Variants in SHROOM3 observed in about 807,000 individuals in gnomAD.
The protein encoded by SHROOM3 is shroom family member 3.
SHROOM3 carries 47 observed loss-of-function variants against 138.6 expected under a neutral mutation model. The observed-to-expected ratio is 0.34, with a 90% CI of 0.27 to 0.43. SHROOM3 has a LOEUF of 0.43. SHROOM3 is among the 20% of genes least tolerant of loss of function. The pLI, the probability that SHROOM3 is intolerant of heterozygous loss-of-function variation, is 1.00. For synonymous variants in SHROOM3, 1,062 were observed against 1,063.3 expected (o/e 1.00, Z 0.02); for missense variants, 2,491 against 2,596.5 (o/e 0.96, Z 0.88).
In SHROOM3 at chr4:76,739,009, G is replaced by A. The variant is rs344140; in HGVS notation, c.836G>A (p.Gly279Asp). Residue 279 changes from glycine (G) to aspartate (D), a missense_variant, in exon 5 of 11, where the codon GGC becomes GAC. Around this residue, in one of 4 missense-constraint regions of SHROOM3, gnomAD observed 1,733 missense variants for 1,661.6 expected, o/e 1.04. Coordinates refer to ENST00000296043, the MANE Select transcript of SHROOM3 (RefSeq NM_020859.4). ...GAGTATCCACACCCTGGCATCTCTGGCCGGGAGCGTTCAGGCTCCATGGAC... is the reference window on the plus strand; with the variant it reads ...GAGTATCCACACCCTGGCATCTCTGACCGGGAGCGTTCAGGCTCCATGGAC... The part of the protein sequence containing the change: ...ILEYPHPGIS[G>D]RERSGSMDNT... 1 of 1,613,844 alleles carries A rather than the reference G, an allele frequency of 6.2e-7. No homozygotes were observed.
intron 1 of SHROOM3, among the ~76,000 whole-genome samples, chr4:76,458,261 C>T (rs1053477124): frequency 3.3e-5 from 5 of 152,168 alleles, no homozygotes; most frequent in Admixed American, 6.5e-5. Context: ...GTTTTATTTA[C>T]TTACATGTTT....
At chr4:76,770,313 A>G (rs1038215899) in intron 9 of SHROOM3, among the ~76,000 whole-genome samples, 2 of 142,778 alleles carry the variant, frequency 1.4e-5, no homozygotes, top group Non-Finnish European at 1.5e-5. Flanking sequence ...GACAAGAGCC[A>G]AACTCTGTCT....
intron 2 of SHROOM3, among the ~76,000 whole-genome samples, chr4:76,606,005 ATATTTTTT>A (rs1215490401): frequency 1.9e-5 from 2 of 102,988 alleles, no homozygotes; most frequent in African/African-American, 8.2e-5. Context: ...ATATATATAT[ATATTTTTT>A]TTTTTTTTTT....
chr4:76,740,558 C>T lies in SHROOM3; in HGVS notation c.2385C>T (p.Ser795=). Residue 795 remains serine, a synonymous_variant, in exon 5 of 11, where the codon AGC becomes AGT. Coordinates refer to ENST00000296043, the MANE Select transcript of SHROOM3 (RefSeq NM_020859.4). This position sits in a 1 kb window ranked among gnomAD's most constrained non-coding sequence, Gnocchi z 4.0. ...VSKFEQREQG[S]QRPSVGGSGF... is the part of the protein sequence containing the mutation. Reference sequence around the variant, plus strand: ...AATTCGAGCAGCGAGAGCAAGGGAGCCAGAGACCGAGTGTGGGCGGCTCTG... The same window carrying T: ...AATTCGAGCAGCGAGAGCAAGGGAGTCAGAGACCGAGTGTGGGCGGCTCTG... 1 of 1,614,128 alleles carries T rather than the reference C, an allele frequency of 6.2e-7. No individual in the cohort carries two copies. Among genetic ancestry groups the T allele is most frequent in the Non-Finnish European group, 8.5e-7 (1 of 1,180,014 alleles).
chr4:76,734,495 T>G (rs1336361641), intron 4 of SHROOM3, among the ~76,000 whole-genome samples: 1 of 151,348 alleles, frequency 6.6e-6, no homozygotes. Flanking sequence ...GCTCTATGTT[T>G]TAAATATTTT....
At chr4:76,630,798 T>C (rs2110072619) in intron 2 of SHROOM3, among the ~76,000 whole-genome samples, 1 of 152,348 alleles carries the variant, frequency 6.6e-6, no homozygotes, top group Non-Finnish European at 1.5e-5. Flanking sequence ...ATACTTTTTA[T>C]TTGACTGTGG....
At chr4:76,543,600 C>T (rs1164407090) in intron 1 of SHROOM3, among the ~76,000 whole-genome samples, 1 of 152,170 alleles carries the variant, frequency 6.6e-6, no homozygotes, top group Non-Finnish European at 1.5e-5. Flanking sequence ...GTCTGCAGGG[C>T]AGCAGCTCGT....
At chr4:76,701,217 GT>G (rs1281594492) in intron 2 of SHROOM3, among the ~76,000 whole-genome samples, 1 of 152,208 alleles carries the variant, frequency 6.6e-6, no homozygotes, top group Non-Finnish European at 1.5e-5. Flanking sequence ...TCTAGGGACA[GT>G]TGGACTTGAG....
intron 2 of SHROOM3, among the ~76,000 whole-genome samples, chr4:76,596,607 C>CACAA (rs1363990407): frequency 6.6e-6 from 1 of 151,732 alleles, no homozygotes. Context: ...CACACACACA[C>CACAA]ACACACACAC....
At chr4:76,588,729 C>T (rs1022223459) in intron 2 of SHROOM3, among the ~76,000 whole-genome samples, 8 of 152,096 alleles carry the variant, frequency 5.3e-5, no homozygotes, top group Admixed American at 3.3e-4. Context: ...AGGGAGCAGA[C>T]AAGCAAGCTG....
At chr4:76,712,599 G>A (rs183488347) in intron 3 of SHROOM3, among the ~76,000 whole-genome samples, 1 of 152,314 alleles carries the variant, frequency 6.6e-6, no homozygotes, top group East Asian at 1.9e-4. Flanking sequence ...CGCTATGTCT[G>A]TATGGAGAAC....
intron 2 of SHROOM3, among the ~76,000 whole-genome samples, chr4:76,572,223 C>T (rs984386521): frequency 3.9e-5 from 6 of 152,162 alleles, no homozygotes; most frequent in Admixed American, 1.3e-4. Flanking sequence ...TAACATACAA[C>T]GGGAATAATA....
In SHROOM3 at chr4:76,527,463, A is replaced by G. The variant is rs141346191; in HGVS notation, c.169-28146A>G. On this transcript the variant is annotated intron_variant, in intron 1 of 10. Coordinates refer to ENST00000296043, the MANE Select transcript of SHROOM3 (RefSeq NM_020859.4). Reference sequence around the variant, plus strand: ...TTTGGCATAGTGGCGCATGCCTGTAATCCCAGCTACTCGGGAGGCTGAGGT... The same window carrying G: ...TTTGGCATAGTGGCGCATGCCTGTAGTCCCAGCTACTCGGGAGGCTGAGGT... Among the ~76,000 whole-genome samples, 1,166 of 152,256 alleles carry G rather than the reference A, an allele frequency of 7.7e-3. 19 individuals are homozygous for G. Among genetic ancestry groups the G allele is most frequent in the African/African-American group, 0.024 (1,014 of 41,538 alleles).
At chr4:76,758,000 G>A (rs1044334109) in intron 8 of SHROOM3, 7 of 152,212 alleles carry the variant, frequency 4.6e-5, no homozygotes, top group South Asian at 2.1e-4. Context: ...GGAACACCAC[G>A]TTTCATTTTA....
At chr4:76,496,314 A>G (rs1353602925) in intron 1 of SHROOM3, among the ~76,000 whole-genome samples, 1 of 152,172 alleles carries the variant, frequency 6.6e-6, no homozygotes, top group Non-Finnish European at 1.5e-5. Flanking sequence ...CACACTGCAC[A>G]TGCAGCTGTT....
At chr4:76,517,721 C>T (rs960867023) in intron 1 of SHROOM3, among the ~76,000 whole-genome samples, 3 of 151,990 alleles carry the variant, frequency 2.0e-5, no homozygotes, top group Non-Finnish European at 4.4e-5. Flanking sequence ...TGCTAATTCT[C>T]AGACCAATGA....
intron 4 of SHROOM3, among the ~76,000 whole-genome samples, chr4:76,734,282 T>C (rs1261298707): frequency 2.9e-4 from 2 of 6,980 alleles, no homozygotes; most frequent in East Asian, 0.25. Context: ...AAACATCTCT[T>C]AGTTAAATTA....
rs183438452 is a variant in SHROOM3 at position 76,586,765 on chromosome 4, C to A, written c.323+31002C>A. On this transcript the variant is annotated intron_variant, in intron 2 of 10. Coordinates refer to ENST00000296043, the MANE Select transcript of SHROOM3 (RefSeq NM_020859.4). Reference sequence around the variant, plus strand: ...CTCAAATGATAACAGAGTAAAGTAACTTTTAGTTAAGGCCAACAAATATAT... The same window carrying A: ...CTCAAATGATAACAGAGTAAAGTAAATTTTAGTTAAGGCCAACAAATATAT... Among the ~76,000 whole-genome samples, 12 of 152,330 alleles carry A rather than the reference C, an allele frequency of 7.9e-5. No individual in the cohort carries two copies. The East Asian group carries it at 1.9e-3, about 24-fold the overall frequency.
intron 2 of SHROOM3, among the ~76,000 whole-genome samples, chr4:76,669,902 C>T (rs1718827820): frequency 6.6e-6 from 1 of 152,196 alleles, no homozygotes; most frequent in Non-Finnish European, 1.5e-5. Context: ...GCCTACCTGC[C>T]AACTGGGCAC....
Sources: allele counts gnomAD v4.1 joint callset (sites outside exome capture counted in the v4.1 genomes callset), GRCh38; gene constraint gnomAD v4.1.1; regional missense constraint gnomAD v4.1.1; non-coding constraint Gnocchi (gnomAD v3.1); transcripts MANE v1.5; gene names NCBI Gene and HGNC (gene_info 2026-07-23, HGNC 2026-07-21).